ZHX2: variants seen among roughly 807,000 people sequenced by gnomAD.
ZHX2 encodes the protein zinc fingers and homeoboxes 2, also known as zinc fingers and homeoboxes protein 2.
Under a neutral mutation model 21.9 loss-of-function variants are expected in ZHX2, and 6 were observed. The ratio of observed to expected loss-of-function variants is 0.27; its 90% confidence interval spans 0.15 to 0.54. ZHX2 has a LOEUF of 0.54. Ranked by LOEUF, ZHX2 falls within the 20% of genes least tolerant of loss-of-function variation. The pLI, the probability that ZHX2 is intolerant of heterozygous loss-of-function variation, is 0.95. For synonymous variants in ZHX2, 434 were observed against 437.1 expected, an observed-to-expected ratio of 0.99 and a Z score of 0.09; for missense variants, 908 against 1,090.7, an observed-to-expected ratio of 0.83 and a Z score of 2.36.
intron 2 of ZHX2, among the ~76,000 whole-genome samples, chr8:122,931,404 AAG>A (rs374050977): frequency 1.3e-5 from 2 of 151,460 alleles, no homozygotes; most frequent in African/African-American, 2.4e-5. Context: ...GGACGGAAAG[AAG>A]AGAGAGAGAG....
chr8:122,799,555 C>T (rs906017581), intron 1 of ZHX2, among the ~76,000 whole-genome samples: 1 of 152,138 alleles, frequency 6.6e-6, no homozygotes, highest in African/African-American at 2.4e-5. Context: ...TCTTTTTTAG[C>T]TTATGTTTTA....
chr8:122,895,284 G>A (rs934643403), intron 2 of ZHX2, among the ~76,000 whole-genome samples: 17 of 152,164 alleles, frequency 1.1e-4, no homozygotes, highest in Admixed American at 4.6e-4. Context: ...ATTAAATTAG[G>A]TGACACTTTT....
At chr8:122,875,531 C>T (rs1819551889) in intron 2 of ZHX2, among the ~76,000 whole-genome samples, 1 of 152,134 alleles carries the variant, frequency 6.6e-6, no homozygotes, top group Non-Finnish European at 1.5e-5. Flanking sequence ...ACCTTGGGGC[C>T]TTCCCACAGT....
intron 3 of ZHX2, among the ~76,000 whole-genome samples, chr8:122,967,823 G>C (rs1298773648): frequency 6.6e-6 from 1 of 152,224 alleles, no homozygotes; most frequent in African/African-American, 2.4e-5. Context: ...AGTAGTAGAA[G>C]GGGATATAAT....
At chr8:122,789,149 C>T (rs548376928) in intron 1 of ZHX2, among the ~76,000 whole-genome samples, 25 of 152,152 alleles carry the variant, frequency 1.6e-4, no homozygotes, top group Non-Finnish European at 3.2e-4. Flanking sequence ...AGGAAGCAGG[C>T]GGAGGGAGGG....
At chr8:122,947,092 CAAAA>C (rs57090731) in intron 2 of ZHX2, among the ~76,000 whole-genome samples, 2 of 67,310 alleles carry the variant, frequency 3.0e-5, no homozygotes, top group East Asian at 5.1e-4. Context: ...CCTGTCTTTG[CAAAA>C]AAAAAAAAAA....
intron 2 of ZHX2, among the ~76,000 whole-genome samples, chr8:122,924,598 C>T (rs1394641861): frequency 6.6e-6 from 1 of 152,078 alleles, no homozygotes; most frequent in Non-Finnish European, 1.5e-5. Flanking sequence ...CTCTTGATCT[C>T]CACAGGTCAT....
At chr8:122,832,710 C>A (rs1818404519) in intron 1 of ZHX2, among the ~76,000 whole-genome samples, 1 of 152,070 alleles carries the variant, frequency 6.6e-6, no homozygotes, top group African/African-American at 2.4e-5. Flanking sequence ...GAGAGAATTT[C>A]TTGCTTAGTT....
intron 3 of ZHX2, among the ~76,000 whole-genome samples, chr8:122,956,410 C>T (rs558542400): frequency 6.6e-6 from 1 of 152,072 alleles, no homozygotes; most frequent in Middle Eastern, 3.2e-3. Flanking sequence ...ATATGTGTTA[C>T]GATGGGGAAG....
chr8:122,879,428 A>G (rs757100318), intron 2 of ZHX2, among the ~76,000 whole-genome samples: 1 of 151,644 alleles, frequency 6.6e-6, no homozygotes, highest in Admixed American at 6.6e-5. Flanking sequence ...GATGGTCTCA[A>G]TCTCTTGACC....
At chr8:122,797,191 A>G (rs1817630091) in intron 1 of ZHX2, among the ~76,000 whole-genome samples, 1 of 152,186 alleles carries the variant, frequency 6.6e-6, no homozygotes. Flanking sequence ...TCTTCCTTTC[A>G]TGAAGTCCAC....
chr8:122,796,170 C>CAAA (rs35841484), intron 1 of ZHX2, among the ~76,000 whole-genome samples: 2 of 110,308 alleles, frequency 1.8e-5, no homozygotes, highest in Non-Finnish European at 1.9e-5. Flanking sequence ...GACTCCATCT[C>CAAA]AAAAAAAAAA....
In ZHX2 at chr8:122,876,700, G is replaced by A. The variant is rs189508285; in HGVS notation, c.-220+13161G>A. 1.1e-3 allele frequency among the ~76,000 whole-genome samples: 161 copies of A among 152,294 alleles called. 1 individual carries two copies. The highest frequency in any genetic ancestry group is 1.2e-3 in the Non-Finnish European group (79 of 68,022). Reference sequence around the variant, plus strand: ...TTAAACACTCCTTTGTACACCGATCGGCTAATTTCACCCCTGCTCGCCTGA... The same window carrying A: ...TTAAACACTCCTTTGTACACCGATCAGCTAATTTCACCCCTGCTCGCCTGA... On this transcript the variant is annotated intron_variant, in intron 2 of 3. Coordinates refer to ENST00000314393, the MANE Select transcript of ZHX2 (RefSeq NM_014943.5).
At chr8:122,957,376 A>G (rs1359125327) in intron 3 of ZHX2, among the ~76,000 whole-genome samples, 1 of 151,856 alleles carries the variant, frequency 6.6e-6, no homozygotes, top group Non-Finnish European at 1.5e-5. Context: ...GCTAGAAAAC[A>G]TCCCTAAACA....
At position 122,810,946 on chromosome 8, in the gene ZHX2, G is replaced by T. The variant is rs565402449; in HGVS notation, c.-283+29000G>T. ...GGGATTATAGACAACCTGGACCCAG[G>T]GTACCGAAAGTTTTACTTTTTAAAA... On this transcript the variant is annotated intron_variant, in intron 1 of 3. Transcript: ENST00000314393. Among the ~76,000 whole-genome samples the T allele has an allele frequency of 5.9e-5, 9 of 152,264 alleles. No individual in the cohort carries two copies. In the South Asian group the frequency reaches 1.9e-3, roughly 32 times the overall value.
chr8:122,797,993 C>T (rs2057850959), intron 1 of ZHX2, among the ~76,000 whole-genome samples: 1 of 152,172 alleles, frequency 6.6e-6, no homozygotes, highest in African/African-American at 2.4e-5. Context: ...GAGGGCGTCC[C>T]TGTTGTTCTC....
rs1201911038 is a variant in ZHX2 at position 122,953,143 on chromosome 8, G to A, written c.1633G>A (p.Glu545Lys). The change falls in exon 3 of 4, where the codon GAA becomes AAA. Residue 545 changes from glutamate (E) to lysine (K), a missense_variant. By Grantham distance (56) the Glu-to-Lys change is moderately conservative (BLOSUM62 1). Transcript: ENST00000314393. This position sits in a 1 kb window ranked among gnomAD's most constrained non-coding sequence, Gnocchi z 4.6. ...EKTQGQVKILEDSFLKSSFPT... is the reference protein window; with the variant it reads ...EKTQGQVKILKDSFLKSSFPT... Reference sequence around the variant, plus strand: ...AACACAGGGTCAGGTTAAAATCTTGGAAGACAGCTTTTTGAAAAGTTCTTT... The same window carrying A: ...AACACAGGGTCAGGTTAAAATCTTGAAAGACAGCTTTTTGAAAAGTTCTTT... The A allele has an allele frequency of 6.2e-7, 1 of 1,613,846 alleles. No homozygotes were observed. Among genetic ancestry groups the A allele is most frequent in the African/African-American group, 1.3e-5 (1 of 75,000 alleles).
intron 3 of ZHX2, among the ~76,000 whole-genome samples, chr8:122,956,244 C>T (rs1813297884): frequency 6.6e-6 from 1 of 152,168 alleles, no homozygotes; most frequent in African/African-American, 2.4e-5. Flanking sequence ...CAGTTCCATT[C>T]AACAGTACCT....
chr8:122,896,260 A>C (rs925612038), intron 2 of ZHX2, among the ~76,000 whole-genome samples: 3 of 148,320 alleles, frequency 2.0e-5, no homozygotes, highest in Non-Finnish European at 4.5e-5. Context: ...TATTGTTTTT[A>C]AAAGGGATGA....
Sources: allele counts gnomAD v4.1 joint callset (sites outside exome capture counted in the v4.1 genomes callset), GRCh38; gene constraint gnomAD v4.1.1; non-coding constraint Gnocchi (gnomAD v3.1); transcripts MANE v1.5; gene names NCBI Gene and HGNC (gene_info 2026-07-23, HGNC 2026-07-21).